The following PLEC variants were observed in gnomAD, a reference collection of about 807,000 sequenced individuals.
The protein encoded by PLEC is plectin, also known as hemidesmosomal protein 1.
In PLEC, 216 loss-of-function variants were observed where a neutral mutation model predicts 392.8. The ratio of observed to expected loss-of-function variants is 0.55; its 90% CI spans 0.49 to 0.62. PLEC has a LOEUF of 0.62. Among genes scored for constraint, PLEC ranks in the 20% least tolerant of loss-of-function variants. The pLI, the probability that PLEC is intolerant of heterozygous loss-of-function variation, is 0.00. For synonymous variants in PLEC, 3,621 were observed against 2,980.6 expected, an observed-to-expected ratio of 1.21 and a Z score of -7.00; for missense variants, 6,863 against 6,563.4, an observed-to-expected ratio of 1.05 and a Z score of -1.58.
Position 143,934,349 on chromosome 8 carries a change from G to T in PLEC, c.1138C>A (p.Arg380=). Residue 380 remains arginine (R), a synonymous_variant, in exon 11 of 32, where the codon CGG becomes AGG. Coordinates refer to ENST00000345136, the MANE Select transcript of PLEC (RefSeq NM_201384.3). ...WGKLHVAILE[R]EKQLRSEFER... ...AACTCGCTGCGGAGCTGCTTCTCCC[G>T]CTCCAGGATGGCCACGTGCAGCTTG... is the stretch of plus-strand genomic sequence containing the variant. 1 of 1,612,526 alleles carries T rather than the reference G, an allele frequency of 6.2e-7. No homozygotes were observed. Among genetic ancestry groups the T allele is most frequent in the Non-Finnish European group, 8.5e-7 (1 of 1,179,938 alleles).
At chr8:143,937,586 C>T (rs917835207) in intron 3 of PLEC, 7 of 498,120 alleles carry the variant, frequency 1.4e-5, no homozygotes, top group Admixed American at 1.3e-4. Flanking sequence ...GGGTCCCAGG[C>T]CAGCTCTGGG....
Position 143,927,484 on chromosome 8 carries a change from G to A in PLEC, c.3682C>T (p.Arg1228Trp), listed in dbSNP as rs144610086. Reference sequence around the variant, plus strand: ...ATGGCCTGGATCTGCTCCTGCCGCCGCCTGGCGTCCTGCAGCCAGGCGCCC... The same window carrying A: ...ATGGCCTGGATCTGCTCCTGCCGCCACCTGGCGTCCTGCAGCCAGGCGCCC... ...PLGAWLQDAR[R>W]RQEQIQAMPL... The change falls in exon 27 of 32, where the codon CGG (arginine) becomes TGG (tryptophan). Residue 1228 changes from arginine to tryptophan, a missense_variant. By Grantham distance (101) the Arg-to-Trp change is moderately radical. Transcript: ENST00000345136. 5,487 of 1,596,790 alleles carry A rather than the reference G, an allele frequency of 3.4e-3. 25 individuals are homozygous for A. Among genetic ancestry groups the A allele is most frequent in the Non-Finnish European group, 3.3e-3 (3,853 of 1,178,404 alleles).
At position 143,923,366 on chromosome 8, in the gene PLEC, A is replaced by C; in HGVS notation, c.6563T>G (p.Leu2188Arg). 2 of 1,610,568 alleles carry C rather than the reference A, an allele frequency of 1.2e-6. No individual in the cohort carries two copies. The highest frequency in any genetic ancestry group is 1.7e-6 in the Non-Finnish European group (2 of 1,179,482). The change falls in exon 31 of 32, where the codon CTG (leucine) becomes CGG (arginine). Residue 2188 changes from leucine to arginine, a missense_variant. Transcript: ENST00000345136. Reference sequence around the variant, plus strand: ...CTCCAGCTGCAGCCGCAGTGTTGTCAGCTCCTGCTCCACCTGCGCCTTCTG... The same window carrying C: ...CTCCAGCTGCAGCCGCAGTGTTGTCCGCTCCTGCTCCACCTGCGCCTTCTG... The part of the protein sequence containing the change: ...LRQKAQVEQE[L>R]TTLRLQLEET...
intron 5 of PLEC, 61 bp downstream of exon 5, chr8:143,936,918 G>A: frequency 7.6e-7 from 1 of 1,321,930 alleles, no homozygotes; most frequent in Non-Finnish European, 1.1e-6. Context: ...GCCAGCCAAG[G>A]AGCCCAGGCT....
chr8:143,973,385 C>CG lies in PLEC; in HGVS notation c.70+17dup. 1.3e-6 allele frequency: 2 copies of CG among 1,558,630 alleles called. No homozygotes were observed. Among genetic ancestry groups the CG allele is most frequent in the Non-Finnish European group, 1.7e-6 (2 of 1,152,494 alleles). ...CTGTCAGGAGCGGCCCGACAGGCAG[C>CG]GGGACGGGGGGCCGTACCTTTGTAC... On this transcript the variant is annotated intron_variant, in intron 1 of 31. Transcript: ENST00000356346. The surrounding 1 kb of genome is among the most constrained non-coding windows in gnomAD (Gnocchi z 5.6).
In PLEC at chr8:143,917,605, G is replaced by A. The variant is rs150427959; in HGVS notation, c.12216C>T (p.Phe4072=). 344 of 1,613,770 alleles carry A rather than the reference G, an allele frequency of 2.1e-4. 1 individual carries two copies. In the East Asian group the frequency reaches 3.4e-3, roughly 16 times the overall value. The stretch of plus-strand genomic sequence containing the variant: ...TCAGGATCTCGTTCATCTCCTCATC[G>A]AAGAGGCCGCGCTTGTAGGCCACCT... ...PVEVAYKRGL[F]DEEMNEILTD... Residue 4072 remains phenylalanine, a synonymous_variant, in exon 32 of 32, where the codon TTC becomes TTT. Transcript: ENST00000345136.
rs369796183 is a variant in PLEC at position 143,932,862 on chromosome 8, G to A, written c.1668C>T (p.Gly556=). Residue 556 remains glycine (G), a synonymous_variant, in exon 14 of 32, where the codon GGC becomes GGT. Coordinates refer to ENST00000345136, the MANE Select transcript of PLEC (RefSeq NM_201384.3). ...VDLPSVEAQL[G]SHRGLHQSIE... ...TGGACTGGTGCAGGCCTCGGTGGCT[G>A]CCCAGCTGCGCCTCCACGCTGGGCA... 160 of 1,612,122 alleles carry A rather than the reference G, an allele frequency of 9.9e-5. No individual in the cohort carries two copies. The highest frequency in any genetic ancestry group is 1.3e-4 in the Non-Finnish European group (153 of 1,179,806).
In PLEC at chr8:143,933,125, G is replaced by A. The variant is rs374881803; in HGVS notation, c.1419-14C>T. 5.6e-6 allele frequency: 9 copies of A among 1,601,632 alleles called. No homozygotes were observed. In the African/African-American group the frequency reaches 8.0e-5, roughly 14 times the overall value. On this transcript the variant is annotated splice_polypyrimidine_tract_variant and intron_variant, in intron 13 of 31. Transcript: ENST00000345136. Reference sequence around the variant, plus strand: ...AGACGGTACACCCTGGGGCAGCAGAGGACTCAGGTAGGTGTTGGCGGGCCT... The same window carrying A: ...AGACGGTACACCCTGGGGCAGCAGAAGACTCAGGTAGGTGTTGGCGGGCCT...
chr8:143,951,423 TGAG>T (rs1255438732), upstream of PLEC, among the ~76,000 whole-genome samples: 1 of 151,968 alleles, frequency 6.6e-6, no homozygotes, highest in Non-Finnish European at 1.5e-5. Context: ...CCACAGCACA[TGAG>T]GAGGGCTGCA....
At chr8:143,926,761 A>G in intron 30 of PLEC, 23 bp downstream of exon 30, 1 of 1,593,060 alleles carries the variant, frequency 6.3e-7, no homozygotes, top group Middle Eastern at 1.7e-4. Flanking sequence ...CCCTCTGCCC[A>G]GCCTCCGCCC....
At chr8:143,938,489 G>A (rs1319315973) in intron 2 of PLEC, 142 bp downstream of exon 2, 13 of 1,560,206 alleles carry the variant, frequency 8.3e-6, no homozygotes, top group East Asian at 6.8e-5. Context: ...AGGGAAGAAA[G>A]AGGACAGAAA....
At chr8:143,937,554 GGCAGCCACA>G (rs1281710774) in intron 3 of PLEC, 3 of 499,746 alleles carry the variant, frequency 6.0e-6, no homozygotes, top group Non-Finnish European at 7.4e-6. Flanking sequence ...GCCTGGCGGT[GGCAGCCACA>G]GCAGCCACCG....
In PLEC at chr8:143,919,811, G is replaced by A. The variant is rs201699314; in HGVS notation, c.10010C>T (p.Thr3337Met). ...QFEQLKDGKT[T>M]VKDLSELGSV... ...GCCCAGCTCCGAAAGGTCCTTGACC[G>A]TCGTCTTGCCGTCCTTGAGCTGCTC... The change falls in exon 32 of 32, where the codon ACG becomes ATG. Residue 3337 changes from threonine (T) to methionine (M), a missense_variant. Transcript: ENST00000345136. 236 of 1,612,904 alleles carry A rather than the reference G, an allele frequency of 1.5e-4. No homozygotes were observed. Among genetic ancestry groups the A allele is most frequent in the Non-Finnish European group, 1.7e-4 (199 of 1,180,026 alleles).
chr8:143,975,082 C>G (rs1309044285), upstream of PLEC: 2 of 1,391,140 alleles, frequency 1.4e-6, no homozygotes, highest in Admixed American at 1.7e-5. This position sits in a 1 kb window ranked among gnomAD's most constrained non-coding sequence, Gnocchi z 9.9. Flanking sequence ...CTAGGCCTCC[C>G]CCACCCAGTC....
At chr8:143,943,255 CCGCCCCAT>C (rs1830838760), upstream of PLEC, among the ~76,000 whole-genome samples, 1 of 152,246 alleles carries the variant, frequency 6.6e-6, no homozygotes, top group Non-Finnish European at 1.5e-5. Context: ...CCCCAGGGCC[CCGCCCCAT>C]CCTGTGCTGG....
At chr8:143,950,310 G>A (rs367896739) in exon 1 of PLEC, 43 of 1,572,430 alleles carry the variant, frequency 2.7e-5, no homozygotes, top group Middle Eastern at 3.3e-4. Flanking sequence ...TCCTCCGTCG[G>A]CAGCGGCCCC....
At position 143,921,948 on chromosome 8, in the gene PLEC, T is replaced by C. The variant is rs555504809; in HGVS notation, c.7873A>G (p.Thr2625Ala). 2 of 1,599,078 alleles carry C rather than the reference T, an allele frequency of 1.3e-6. No individual in the cohort carries two copies. The highest frequency in any genetic ancestry group is 2.2e-5 in the South Asian group (2 of 91,050). ...VTASQVAATK[T>A]LPNGRDALDG... ...AGTGCATCCCGGCCATTGGGCAGGGTCTTTGTGGCAGCCACCTGCGAGGCA... is the reference window on the plus strand; with the variant it reads ...AGTGCATCCCGGCCATTGGGCAGGGCCTTTGTGGCAGCCACCTGCGAGGCA... The change falls in exon 32 of 32, where the codon ACC becomes GCC. Residue 2625 changes from threonine (T) to alanine (A), a missense_variant. Physicochemically the swap from Thr to Ala is moderately conservative, Grantham distance 58 (BLOSUM62 0). Transcript: ENST00000345136.
upstream of PLEC, among the ~76,000 whole-genome samples, chr8:143,957,319 G>A (rs150155439): frequency 1.6e-3 from 242 of 152,260 alleles, 2 homozygotes; most frequent in African/African-American, 5.3e-3. Context: ...AGAAGCACGC[G>A]GGTCTGTGTG....
At chr8:143,968,928 G>A (rs1235225260) in intron 1 of PLEC, among the ~76,000 whole-genome samples, 4 of 152,186 alleles carry the variant, frequency 2.6e-5, no homozygotes, top group Non-Finnish European at 4.4e-5. Context: ...TGGCACGCCC[G>A]CTTTAGGAAG....
Sources: gnomAD v4.1 joint callset for allele counts (sites outside exome capture counted in the v4.1 genomes callset) on GRCh38, gnomAD v4.1.1 for gene constraint, Gnocchi (gnomAD v3.1) non-coding constraint, MANE v1.5 for transcripts, NCBI Gene and HGNC (gene_info 2026-07-23, HGNC 2026-07-21) for gene names.